PDE4D: variants seen among roughly 807,000 people sequenced by gnomAD.
PDE4D encodes 3',5'-cyclic-AMP phosphodiesterase 4D.
A neutral mutation model predicts 87.4 loss-of-function variants in PDE4D; 24 were observed. The observed-to-expected ratio is 0.27, with a 90% CI of 0.20 to 0.39. The LOEUF (loss-of-function observed/expected upper bound fraction) is 0.39, where lower values mean the gene tolerates loss of function less well. Among genes scored for constraint, PDE4D ranks in the 10% least tolerant of loss-of-function variants. The probability of loss-of-function intolerance (pLI) is 1.00; values close to 1 mark genes in which losing one functional copy is unlikely to be tolerated. For missense variants in PDE4D, 714 were observed against 1,041.0 expected (o/e 0.69, Z 4.32); for synonymous variants, 384 against 383.2 (o/e 1.00, Z -0.02).
Position 59,071,713 on chromosome 5 carries a change from G to A in PDE4D, c.809-32742C>T, listed in dbSNP as rs1257416665. On this transcript the variant is annotated intron_variant, in intron 5 of 14. Coordinates refer to ENST00000340635, the MANE Select transcript of PDE4D (RefSeq NM_001104631.2). ...TTTTTTTTTTTTTTTTTGAGATGGA[G>A]TCTCACTCTGTCACCCAGGCTGGAG... Among the ~76,000 whole-genome samples, 5 of 108,678 alleles carry A rather than the reference G, an allele frequency of 4.6e-5. No homozygotes were observed. The South Asian group carries it at 1.5e-3, about 33-fold the overall frequency. 71.3% of individuals were successfully genotyped at this position (108,678 alleles called of 152,430 possible).
intron 1 of PDE4D, among the ~76,000 whole-genome samples, chr5:59,840,449 C>T (rs1742816208): frequency 1.3e-5 from 2 of 151,966 alleles, no homozygotes; most frequent in African/African-American, 4.8e-5. Context: ...ATCACCAGCT[C>T]CTAGAGCAGT....
intron 1 of PDE4D, among the ~76,000 whole-genome samples, chr5:59,755,481 T>A (rs1163916024): frequency 6.6e-6 from 1 of 152,142 alleles, no homozygotes; most frequent in African/African-American, 2.4e-5. Flanking sequence ...ATTGTGAAGG[T>A]GATTCAAGAA....
chr5:59,668,913 AAGAAG>A lies in PDE4D; in HGVS notation c.455+224250_455+224254del, dbSNP rs1328869151. 7.3e-3 allele frequency among the ~76,000 whole-genome samples: 536 copies of A among 73,644 alleles called. 6 individuals carry two copies. The highest frequency in any genetic ancestry group is 0.049 in the East Asian group (55 of 1,120). 48.3% of individuals were successfully genotyped at this position (73,644 alleles called of 152,430 possible). A position where few individuals can be genotyped will look rare whatever the true frequency, so the allele number is the denominator to read the frequency against. On this transcript the variant is annotated intron_variant, in intron 1 of 14. Transcript: ENST00000340635. ...GAAGAAGAAGAAGAAGAAGAAGAAG[AAGAAG>A]AAGAAAGAAAGAAAGAATTAGTTCA...
intron 1 of PDE4D, among the ~76,000 whole-genome samples, chr5:60,508,889 T>TTTTA (rs10644681): frequency 0.075 from 11,387 of 151,096 alleles, 1,244 homozygotes; most frequent in African/African-American, 0.24. Context: ...CTTTCTTTTC[T>TTTTA]TTTATTTATT....
chr5:59,162,533 T>C (rs1165719112), intron 5 of PDE4D, among the ~76,000 whole-genome samples: 1 of 152,062 alleles, frequency 6.6e-6, no homozygotes, highest in Non-Finnish European at 1.5e-5. Flanking sequence ...ATTTTTCATT[T>C]TAAAAATTAA....
rs759248914 is a variant in PDE4D, at chr5:58,975,236, T to C, written c.2014-156A>G. Reference sequence around the variant, plus strand: ...CACTATTTTCAACAACAACAGACCATTTAAAGTAAAGTATTGCTACTAGCT... The same window carrying C: ...CACTATTTTCAACAACAACAGACCACTTAAAGTAAAGTATTGCTACTAGCT... On this transcript the variant is annotated intron_variant, in intron 14 of 14. Coordinates refer to ENST00000340635, the MANE Select transcript of PDE4D (RefSeq NM_001104631.2). This position sits in a 1 kb window ranked among gnomAD's most constrained non-coding sequence, Gnocchi z 4.2. 1.2e-4 allele frequency among the ~76,000 whole-genome samples: 18 copies of C among 152,162 alleles called. No individual in the cohort carries two copies. Among genetic ancestry groups the C allele is most frequent in the Admixed American group, 2.6e-4 (4 of 15,266 alleles).
chr5:59,760,634 T>C (rs1322540344), intron 1 of PDE4D, among the ~76,000 whole-genome samples: 2 of 152,188 alleles, frequency 1.3e-5, no homozygotes, highest in Admixed American at 1.3e-4. Context: ...TAGAAAACTG[T>C]ATTTGGTTTT....
chr5:59,973,572 G>GT (rs1159163212), intron 3 of PDE4D, among the ~76,000 whole-genome samples: 1 of 152,080 alleles, frequency 6.6e-6, no homozygotes, highest in Non-Finnish European at 1.5e-5. Flanking sequence ...TCTCATCTCA[G>GT]TTTTTTTCAG....
intron 1 of PDE4D, among the ~76,000 whole-genome samples, chr5:59,711,946 A>G (rs1443107440): frequency 6.6e-6 from 1 of 152,110 alleles, no homozygotes; most frequent in Admixed American, 6.6e-5. Context: ...TCACTCTTTC[A>G]TTAGCTCTCA....
intron 1 of PDE4D, among the ~76,000 whole-genome samples, chr5:59,258,586 T>A (rs895658614): frequency 1.3e-5 from 2 of 150,812 alleles, no homozygotes; most frequent in African/African-American, 4.9e-5. Context: ...TTGTATCATC[T>A]TTGTAGGCTA....
chr5:59,646,570 C>T (rs1428886843), intron 1 of PDE4D, among the ~76,000 whole-genome samples: 1 of 152,130 alleles, frequency 6.6e-6, no homozygotes, highest in African/African-American at 2.4e-5. Flanking sequence ...GTAGTATATG[C>T]ATAGTTCTCC....
intron 1 of PDE4D, among the ~76,000 whole-genome samples, chr5:60,486,845 T>C (rs1484561935): frequency 6.6e-6 from 1 of 152,178 alleles, no homozygotes; most frequent in African/African-American, 2.4e-5. Context: ...GAGGAAAAAT[T>C]AGACAAAAAG....
rs943386253 is a variant in PDE4D, at chr5:59,919,953, A to C, written c.272+68535T>G. ...TTATATATCTATTTCTTCTATGTAC[A>C]TGGTAAATTTTAATTAATATTCTCT... On this transcript the variant is annotated intron_variant, in intron 3 of 16. Coordinates refer to the PDE4D transcript ENST00000502484. Among the ~76,000 whole-genome samples the C allele has an allele frequency of 2.0e-5, 3 of 152,206 alleles. No individual in the cohort carries two copies. In the East Asian group the frequency reaches 5.8e-4, roughly 29 times the overall value.
At chr5:59,709,617 G>GT (rs1367404001) in intron 1 of PDE4D, among the ~76,000 whole-genome samples, 1 of 152,190 alleles carries the variant, frequency 6.6e-6, no homozygotes, top group African/African-American at 2.4e-5. Context: ...GAACAGAAAC[G>GT]TTAGTCCAGA....
At chr5:60,253,224 G>C (rs1049205788) in intron 1 of PDE4D, among the ~76,000 whole-genome samples, 1 of 151,850 alleles carries the variant, frequency 6.6e-6, no homozygotes, top group Admixed American at 6.6e-5. Flanking sequence ...TACAGCACAG[G>C]CTCTTTGCAC....
chr5:58,975,021 G>C lies in PDE4D; in HGVS notation c.2073C>G (p.His691Gln). The change falls in exon 15 of 15, where the codon CAC (histidine) becomes CAG (glutamine). Residue 691 changes from histidine to glutamine, a missense_variant. Transcript: ENST00000340635. The surrounding 1 kb of genome is among the most constrained non-coding windows in gnomAD (Gnocchi z 4.2). The part of the protein sequence containing the change: ...PLWETWADLV[H>Q]PDAQDILDTL... ...TGTCCAAAATATCCTGGGCGTCAGG[G>C]TGGACGAGGTCTGCCCATGTCTCCC... The C allele has an allele frequency of 6.2e-7, 1 of 1,603,654 alleles. No individual in the cohort carries two copies. Among genetic ancestry groups the C allele is most frequent in the Non-Finnish European group, 8.5e-7 (1 of 1,173,034 alleles).
intron 1 of PDE4D, among the ~76,000 whole-genome samples, chr5:59,389,257 T>C (rs1036971301): frequency 2.6e-5 from 4 of 152,044 alleles, no homozygotes; most frequent in African/African-American, 9.7e-5. Context: ...GAAAAGTATG[T>C]CATGTTTATG....
intron 2 of PDE4D, among the ~76,000 whole-genome samples, chr5:60,049,198 C>A (rs1462706579): frequency 6.6e-6 from 1 of 152,122 alleles, no homozygotes; most frequent in Non-Finnish European, 1.5e-5. Flanking sequence ...AGTTCTCGAG[C>A]CTTGGTTTTC....
At chr5:59,508,482 C>T (rs1447053863) in intron 1 of PDE4D, among the ~76,000 whole-genome samples, 1 of 151,994 alleles carries the variant, frequency 6.6e-6, no homozygotes, top group African/African-American at 2.4e-5. Flanking sequence ...TCGAAAAATA[C>T]ACTTTCAACA....
Sources: allele counts gnomAD v4.1 joint callset (sites outside exome capture counted in the v4.1 genomes callset), GRCh38; gene constraint gnomAD v4.1.1; non-coding constraint Gnocchi (gnomAD v3.1); transcripts MANE v1.5; gene names NCBI Gene and HGNC (gene_info 2026-07-23, HGNC 2026-07-21).